COL4A5: variants seen among roughly 807,000 people sequenced by gnomAD.
COL4A5 encodes collagen type IV alpha 5 chain, also known as collagen alpha-5(IV) chain.
In COL4A5, 26 loss-of-function variants were observed where a neutral mutation model predicts 130.2. The ratio of observed to expected loss-of-function variants is 0.20; its 90% CI spans 0.15 to 0.28. The LOEUF is 0.28. Among genes scored for constraint, COL4A5 ranks in the 10% least tolerant of loss-of-function variants. COL4A5 has a pLI of 1.00. For missense variants in COL4A5, 1,131 were observed against 1,344.3 expected, an observed-to-expected ratio of 0.84 and a Z score of 2.48; for synonymous variants, 496 against 439.6, an observed-to-expected ratio of 1.13 and a Z score of -1.60.
intron 1 of COL4A5, among the ~76,000 whole-genome samples, chrX:108,529,000 A>G (rs1230120374): frequency 1.8e-5 from 2 of 111,933 alleles, no homozygotes; most frequent in Non-Finnish European, 3.8e-5. Flanking sequence ...AATCTTCTCC[A>G]TGACACATTA....
chrX:108,600,589 T>G (rs1016785778), intron 25 of COL4A5, among the ~76,000 whole-genome samples: 1 of 110,995 alleles, frequency 9.0e-6, no homozygotes, highest in Non-Finnish European at 1.9e-5. Context: ...ACACCCTGTT[T>G]TAGGGGTTTC....
chrX:108,530,806 C>T (rs995118140), intron 1 of COL4A5, among the ~76,000 whole-genome samples: 6 of 106,333 alleles, frequency 5.6e-5, no homozygotes, highest in African/African-American at 2.1e-4. Flanking sequence ...GGCGATTCCT[C>T]AGGGATCTAG....
chrX:108,466,248 T>A (rs1235871059), intron 1 of COL4A5, among the ~76,000 whole-genome samples: 1 of 111,299 alleles, frequency 9.0e-6, no homozygotes, highest in East Asian at 2.8e-4. Context: ...GTTTTTAATA[T>A]TTAAGGGTGT....
At chrX:108,468,991 C>T (rs1218940705) in intron 1 of COL4A5, among the ~76,000 whole-genome samples, 2 of 110,117 alleles carry the variant, frequency 1.8e-5, no homozygotes, top group East Asian at 2.8e-4. Flanking sequence ...GACTTTACTT[C>T]GTTGTTAGGT....
chrX:108,580,106 T>G (rs1299911990), intron 13 of COL4A5, among the ~76,000 whole-genome samples: 1 of 111,743 alleles, frequency 8.9e-6, no homozygotes, highest in Admixed American at 9.6e-5. Context: ...TTTAAAAAAG[T>G]CAACCTTTAT....
At chrX:108,670,402 T>C (rs867553246) in intron 42 of COL4A5, 166 bp downstream of exon 42, 2 of 583,308 alleles carry the variant, frequency 3.4e-6, no homozygotes, top group Middle Eastern at 1.0e-3. Context: ...GAACCCAGTG[T>C]TTCTGTCTAT....
chrX:108,571,361 G>A, intron 6 of COL4A5, 52 bp from the exon 7 acceptor site: 1 of 900,569 alleles, frequency 1.1e-6, no homozygotes, highest in Admixed American at 2.2e-5. Context: ...TGATGGTATA[G>A]TTATTCTTTG....
intron 37 of COL4A5, among the ~76,000 whole-genome samples, chrX:108,665,249 T>C (rs1294082945): frequency 1.8e-5 from 2 of 112,154 alleles, no homozygotes; most frequent in Admixed American, 9.5e-5. Flanking sequence ...ATTCATATAA[T>C]GGAGTCCTAC....
At chrX:108,656,557 A>G (rs1340117522) in intron 37 of COL4A5, among the ~76,000 whole-genome samples, 2 of 112,008 alleles carry the variant, frequency 1.8e-5, no homozygotes, top group Non-Finnish European at 3.8e-5. Flanking sequence ...GTAGGTGTAC[A>G]TTGAACTTTA....
intron 3 of COL4A5, among the ~76,000 whole-genome samples, chrX:108,560,139 T>C (rs2065880087): frequency 8.9e-6 from 1 of 112,058 alleles, no homozygotes; most frequent in Non-Finnish European, 1.9e-5. Flanking sequence ...TCATGATCAA[T>C]CATGTTCTAA....
intron 37 of COL4A5, 39 bp downstream of exon 37, chrX:108,655,496 C>G (rs372391972): frequency 1.7e-6 from 2 of 1,196,502 alleles, no homozygotes; most frequent in African/African-American, 3.5e-5. Context: ...TCTTTCCTTC[C>G]TTATCTACTC....
Position 108,543,781 on chromosome X carries a change from C to T in COL4A5, c.141+3976C>T, listed in dbSNP as rs1292612226. On this transcript the variant is annotated intron_variant, in intron 2 of 52. Transcript: ENST00000328300. ...CATTTGTTTGTATCCTCTTTTATTT[C>T]GTTGAGCAGTGGTTTGTAATTCTCC... Among the ~76,000 whole-genome samples, 8 of 111,822 alleles carry T rather than the reference C, an allele frequency of 7.2e-5. No homozygotes were observed. In the East Asian group the frequency reaches 1.7e-3, roughly 24 times the overall value.
At chrX:108,630,082 A>C (rs1471829470) in intron 36 of COL4A5, among the ~76,000 whole-genome samples, 8 of 111,642 alleles carry the variant, frequency 7.2e-5, no homozygotes. Flanking sequence ...GTTGGTTCCA[A>C]GTCTTTGCTA....
intron 2 of COL4A5, among the ~76,000 whole-genome samples, chrX:108,549,868 A>G (rs181760529): frequency 1.8e-5 from 2 of 112,043 alleles, no homozygotes; most frequent in East Asian, 5.6e-4. Flanking sequence ...AAAGATCAAT[A>G]AGGGACTATC....
At chrX:108,602,071 A>G in intron 27 of COL4A5, 82 bp downstream of exon 27, 1 of 532,521 alleles carries the variant, frequency 1.9e-6, no homozygotes, top group Non-Finnish European at 3.3e-6. Context: ...TCAACAAATA[A>G]AATATATTAA....
chrX:108,558,842 CAAGA>C (rs1451842992), intron 2 of COL4A5, among the ~76,000 whole-genome samples: 2 of 111,678 alleles, frequency 1.8e-5, no homozygotes, highest in Non-Finnish European at 3.8e-5. Flanking sequence ...TTTACTTTTA[CAAGA>C]AAGAAAGAGA....
intron 1 of COL4A5, among the ~76,000 whole-genome samples, chrX:108,539,542 G>C (rs1471203102): frequency 9.0e-6 from 1 of 111,567 alleles, no homozygotes; most frequent in Non-Finnish European, 1.9e-5. Flanking sequence ...TGCTCATTTT[G>C]AAAAGTTAAG....
chrX:108,578,314 A>C lies in COL4A5; in HGVS notation c.711A>C (p.Pro237=). Reference sequence around the variant, plus strand: ...AGGGTGAGCAAGGTCTTCAGGGCCCACCTGGGCCACCTGGGCAGATCAGTG... The same window carrying C: ...AGGGTGAGCAAGGTCTTCAGGGCCCCCCTGGGCCACCTGGGCAGATCAGTG... ...GEKGEQGLQG[P]PGPPGQISEQ... The change falls in exon 13 of 53, where the codon CCA becomes CCC. Residue 237 remains proline, a synonymous_variant. Coordinates refer to ENST00000328300, the MANE Select transcript of COL4A5 (RefSeq NM_033380.3). 8.3e-7 allele frequency: 1 copy of C among 1,210,403 alleles called. No homozygotes were observed. Among genetic ancestry groups the C allele is most frequent in the Non-Finnish European group, 1.1e-6 (1 of 894,439 alleles).
intron 36 of COL4A5, among the ~76,000 whole-genome samples, chrX:108,641,636 A>G (rs1208314631): frequency 8.9e-6 from 1 of 111,749 alleles, no homozygotes; most frequent in African/African-American, 3.3e-5. Context: ...GAGAAACTGG[A>G]GGTCTGTTTG....
Sources: gnomAD v4.1 joint callset for allele counts (sites outside exome capture counted in the v4.1 genomes callset) on GRCh38, gnomAD v4.1.1 for gene constraint, MANE v1.5 for transcripts, NCBI Gene and HGNC (gene_info 2026-07-23, HGNC 2026-07-21) for gene names.